The following CFAP43 variants were observed in gnomAD, a reference collection of about 807,000 sequenced individuals.
The protein encoded by CFAP43 is cilia and flagella associated protein 43.
Under a neutral mutation model 218.9 loss-of-function variants are expected in CFAP43, and 155 were observed. The ratio of observed to expected loss-of-function variants is 0.71; its 90% CI spans 0.62 to 0.81. The LOEUF is 0.81. Ranked by LOEUF, CFAP43 falls within the 30% of genes least tolerant of loss-of-function variation. CFAP43 has a pLI of 0.00. For missense variants in CFAP43, 1,778 were observed against 1,954.3 expected, an observed-to-expected ratio of 0.91 and a Z score of 1.70; for synonymous variants, 645 against 681.3, an observed-to-expected ratio of 0.95 and a Z score of 0.83.
chr10:104,142,047 A>G (rs1189407883), intron 33 of CFAP43, among the ~76,000 whole-genome samples: 1 of 152,190 alleles, frequency 6.6e-6, no homozygotes, highest in Non-Finnish European at 1.5e-5. Flanking sequence ...CAATACTAAG[A>G]TTTTTCTGAA....
Position 104,168,975 on chromosome 10 carries a change from A to G in CFAP43, c.2587-127T>C, listed in dbSNP as rs532579154. The G allele has an allele frequency of 3.2e-5, 23 of 726,086 alleles. No individual in the cohort carries two copies. In the East Asian group the frequency reaches 3.5e-4, roughly 11 times the overall value. The allele number at this position is 726,086 out of a possible 1,614,324, so 45.0% of individuals were successfully genotyped here. A position where few individuals can be genotyped will look rare whatever the true frequency, so the allele number is the denominator to read the frequency against. On this transcript the variant is annotated intron_variant, in intron 20 of 37. Coordinates refer to ENST00000357060, the MANE Select transcript of CFAP43 (RefSeq NM_025145.7). Reference sequence around the variant, plus strand: ...CAGTGGTAGAGTTTGTCTTTCTCCAACACTTTGAGCCACCTTGCACTGAGA... The same window carrying G: ...CAGTGGTAGAGTTTGTCTTTCTCCAGCACTTTGAGCCACCTTGCACTGAGA...
chr10:104,230,515 C>T (rs1202582215), intron 2 of CFAP43, 75 bp downstream of exon 2: 60 of 1,506,752 alleles, frequency 4.0e-5, no homozygotes, highest in Middle Eastern at 3.5e-4. Context: ...AATAAATCTT[C>T]ACTTATAATA....
At position 104,168,862 on chromosome 10, in the gene CFAP43, GA is replaced by G. The variant is rs1214371179; in HGVS notation, c.2587-15del. The G allele has an allele frequency of 7.6e-6, 12 of 1,583,538 alleles. No individual in the cohort carries two copies. Among genetic ancestry groups the G allele is most frequent in the Non-Finnish European group, 1.0e-5 (12 of 1,154,272 alleles). On this transcript the variant is annotated splice_polypyrimidine_tract_variant and intron_variant, in intron 20 of 37. Transcript: ENST00000357060. ...ATCCTTTATCATCTTGAAGAACACAGACAAAGGGAAAAGATAAAAATGAAAG... is the reference window on the plus strand; with the variant it reads ...ATCCTTTATCATCTTGAAGAACACAGCAAAGGGAAAAGATAAAAATGAAAG...
chr10:104,217,283 CAT>C (rs1211608853), intron 3 of CFAP43, among the ~76,000 whole-genome samples: 1 of 152,230 alleles, frequency 6.6e-6, no homozygotes, highest in African/African-American at 2.4e-5. Context: ...TAGTGGCAGT[CAT>C]GTGTGCACCT....
chr10:104,210,628 G>A lies in CFAP43; in HGVS notation c.735+1379C>T, dbSNP rs184860389. 2.1e-3 allele frequency among the ~76,000 whole-genome samples: 320 copies of A among 152,230 alleles called. 2 individuals carry two copies. The highest frequency in any genetic ancestry group is 3.7e-3 in the Non-Finnish European group (251 of 68,006). ...AAAGGTCTTGCAGGTGCTGCCCTCTGTTCCCTGCCTGTCTCTTGAATAGCA... is the reference window on the plus strand; with the variant it reads ...AAAGGTCTTGCAGGTGCTGCCCTCTATTCCCTGCCTGTCTCTTGAATAGCA... On this transcript the variant is annotated intron_variant, in intron 5 of 37. Coordinates refer to ENST00000357060, the MANE Select transcript of CFAP43 (RefSeq NM_025145.7).
intron 27 of CFAP43, among the ~76,000 whole-genome samples, chr10:104,157,763 T>TGG (rs2088632870): frequency 8.0e-6 from 1 of 124,454 alleles, no homozygotes; most frequent in African/African-American, 3.3e-5. Context: ...TGTGTGTGTG[T>TGG]GTGTGTGTGT....
In CFAP43 at chr10:104,133,739, C is replaced by T; in HGVS notation, c.4477G>A (p.Val1493Ile). ...TCAATCTGAAGTATTCTTTTGTGTA[C>T]ATCTTTACTTTCCATCATGCTAGCA... Reference protein sequence around the residue: ...KVASMMESKDVHKRILQIEWE... With the variant: ...KVASMMESKDIHKRILQIEWE... Residue 1493 changes from valine (V) to isoleucine (I), a missense_variant, in exon 35 of 38, where the codon GTA (valine) becomes ATA (isoleucine). Val to Ile is a conservative substitution (Grantham distance 29, BLOSUM62 3). Coordinates refer to ENST00000357060, the MANE Select transcript of CFAP43 (RefSeq NM_025145.7). The T allele has an allele frequency of 1.2e-6, 2 of 1,612,444 alleles. No individual in the cohort carries two copies. The highest frequency in any genetic ancestry group is 3.3e-4 in the Middle Eastern group (2 of 6,056).
chr10:104,140,809 T>C (rs773477267), intron 34 of CFAP43, 33 bp downstream of exon 34: 5 of 1,527,424 alleles, frequency 3.3e-6, no homozygotes, highest in Non-Finnish European at 3.5e-6. Context: ...AAGCAAGACC[T>C]TGAATTAAAA....
In CFAP43 at chr10:104,224,956, C is replaced by T. The variant is rs377417265; in HGVS notation, c.416+505G>A. Among the ~76,000 whole-genome samples the T allele has an allele frequency of 3.3e-5, 5 of 152,072 alleles. No individual in the cohort carries two copies. In the East Asian group the frequency reaches 9.7e-4, roughly 29 times the overall value. On this transcript the variant is annotated intron_variant, in intron 3 of 37. Coordinates refer to ENST00000357060, the MANE Select transcript of CFAP43 (RefSeq NM_025145.7). The stretch of plus-strand genomic sequence containing the variant: ...AAAGGGAGTATAGCCTTAAAGTTGG[C>T]CACGTGAAATGATCCAGGAAAGACT...
chr10:104,182,237 A>G, intron 17 of CFAP43, 129 bp downstream of exon 17: 1 of 1,075,196 alleles, frequency 9.3e-7, no homozygotes, highest in South Asian at 2.1e-5. Flanking sequence ...TCCCTTTTTG[A>G]AAATCATGGG....
At position 104,217,324 on chromosome 10, in the gene CFAP43, C is replaced by T. The variant is rs1269064763; in HGVS notation, c.417-2898G>A. Among the ~76,000 whole-genome samples the T allele has an allele frequency of 1.4e-4, 20 of 147,146 alleles. No homozygotes were observed. In the South Asian group the frequency reaches 3.0e-3, roughly 22 times the overall value. On this transcript the variant is annotated intron_variant, in intron 3 of 37. Coordinates refer to ENST00000357060, the MANE Select transcript of CFAP43 (RefSeq NM_025145.7). ...AAGCCTTGCATTTTTTTCTTTCTTT[C>T]TTTTTCTTTTCTTTTCTTTCTTTCT...
At chr10:104,215,025 C>A (rs2090975027) in intron 3 of CFAP43, among the ~76,000 whole-genome samples, 6 of 152,050 alleles carry the variant, frequency 3.9e-5, no homozygotes, top group Admixed American at 3.9e-4. Context: ...ATCCCAGCTA[C>A]TTGGGAGGCT....
intron 2 of CFAP43, among the ~76,000 whole-genome samples, chr10:104,229,533 G>A (rs1017950590): frequency 1.4e-4 from 21 of 150,342 alleles, no homozygotes; most frequent in Admixed American, 4.0e-4. Context: ...GCATGGTGGC[G>A]CACACCTGTA....
At chr10:104,169,718 T>G (rs1258028635) in intron 20 of CFAP43, among the ~76,000 whole-genome samples, 1 of 152,192 alleles carries the variant, frequency 6.6e-6, no homozygotes, top group Non-Finnish European at 1.5e-5. Flanking sequence ...CTATTTATTT[T>G]ATTGTCTGAT....
At chr10:104,198,933 G>A (rs1193007888) in intron 8 of CFAP43, among the ~76,000 whole-genome samples, 1 of 152,110 alleles carries the variant, frequency 6.6e-6, no homozygotes, top group East Asian at 1.9e-4. Context: ...TTATAGGCAT[G>A]AGCCACCACG....
intron 2 of CFAP43, 70 bp downstream of exon 2, chr10:104,230,520 A>G (rs2091421702): frequency 1.3e-6 from 2 of 1,526,770 alleles, no homozygotes; most frequent in Non-Finnish European, 1.8e-6. Context: ...ATCTTCACTT[A>G]TAATAGATTT....
intron 7 of CFAP43, 138 bp from the exon 8 acceptor site, chr10:104,203,941 G>A (rs2090607352): frequency 2.9e-6 from 2 of 685,690 alleles, no homozygotes; most frequent in African/African-American, 1.9e-5. Context: ...TAGATGCACT[G>A]TCCTCTCATC....
intron 5 of CFAP43, 70 bp from the exon 6 acceptor site, chr10:104,207,894 G>A: frequency 6.7e-7 from 1 of 1,483,472 alleles, no homozygotes; most frequent in South Asian, 1.3e-5. Flanking sequence ...ATACTCACCA[G>A]AACAACTGAC....
chr10:104,166,500 A>G lies in CFAP43; in HGVS notation c.3027T>C (p.Ile1009=), dbSNP rs2089160785. ...LHSREEKINQ[I]ILLKDIIYKV... ...AAAATTGACCCACTTTCAATAATAT[A>G]ATTTGGTTGATTTTCTCTTCTCTGG... Residue 1009 remains isoleucine, a synonymous_variant, in exon 23 of 38, where the codon ATT becomes ATC. Transcript: ENST00000357060. The G allele has an allele frequency of 1.9e-6, 3 of 1,612,678 alleles. No individual in the cohort carries two copies. The Admixed American group carries it at 5.0e-5, about 27-fold the overall frequency.
Sources: gnomAD v4.1 joint callset for allele counts (sites outside exome capture counted in the v4.1 genomes callset) on GRCh38, gnomAD v4.1.1 for gene constraint, MANE v1.5 for transcripts, NCBI Gene and HGNC (gene_info 2026-07-23, HGNC 2026-07-21) for gene names.